Variants in WDR64 observed in about 807,000 individuals in gnomAD.
WDR64 encodes WD repeat domain 64, also known as WD repeat-containing protein 64.
WDR64 carries 112 observed loss-of-function variants against 139.3 expected under a neutral mutation model. That is an observed-to-expected ratio of 0.80 (90% CI 0.69 to 0.94). WDR64 has a LOEUF of 0.94. Among genes scored for constraint, WDR64 ranks in the 40% least tolerant of loss-of-function variants. WDR64 has a pLI of 0.00. For synonymous variants in WDR64, 444 were observed against 437.7 expected, an observed-to-expected ratio of 1.01 and a Z score of -0.18; for missense variants, 1,206 against 1,293.1, an observed-to-expected ratio of 0.93 and a Z score of 1.03.
chr1:241,691,740 A>G (rs1395425488), intron 8 of WDR64, among the ~76,000 whole-genome samples: 3 of 152,220 alleles, frequency 2.0e-5, no homozygotes, highest in Admixed American at 1.3e-4. Context: ...TAGGCTGGGC[A>G]CAGTGGCTCA....
chr1:241,674,172 C>T (rs951914579), intron 3 of WDR64, among the ~76,000 whole-genome samples: 2 of 151,606 alleles, frequency 1.3e-5, no homozygotes, highest in African/African-American at 4.8e-5. Flanking sequence ...ACAATGGTTG[C>T]CGGGTTTTAG....
intron 15 of WDR64, among the ~76,000 whole-genome samples, chr1:241,764,594 G>A (rs1028968333): frequency 2.6e-5 from 4 of 152,264 alleles, no homozygotes; most frequent in Admixed American, 1.3e-4. Flanking sequence ...CCAGGAGTTC[G>A]AGGTTGTAGT....
At chr1:241,771,427 A>G (rs190543155) in intron 18 of WDR64, among the ~76,000 whole-genome samples, 2 of 152,186 alleles carry the variant, frequency 1.3e-5, no homozygotes, top group East Asian at 3.9e-4. Flanking sequence ...ATTTTTAATT[A>G]CTCTCGTTAT....
intron 10 of WDR64, among the ~76,000 whole-genome samples, chr1:241,726,814 C>T (rs1244444096): frequency 6.6e-6 from 1 of 151,828 alleles, no homozygotes; most frequent in Non-Finnish European, 1.5e-5. Flanking sequence ...TGTGGATATA[C>T]ATGGATGGAT....
At chr1:241,690,619 G>A (rs1667183136) in intron 8 of WDR64, among the ~76,000 whole-genome samples, 2 of 152,244 alleles carry the variant, frequency 1.3e-5, no homozygotes, top group Non-Finnish European at 2.9e-5. Flanking sequence ...AGACCTACCA[G>A]CCTAGAATTC....
At chr1:241,722,140 A>G (rs964746226) in intron 9 of WDR64, among the ~76,000 whole-genome samples, 11 of 152,204 alleles carry the variant, frequency 7.2e-5, no homozygotes, top group Non-Finnish European at 5.9e-5. Context: ...AAATTTACAG[A>G]CGAAGAAGAT....
intron 25 of WDR64, among the ~76,000 whole-genome samples, chr1:241,792,580 G>A (rs182694805): frequency 6.6e-6 from 1 of 151,834 alleles, no homozygotes; most frequent in Non-Finnish European, 1.5e-5. Flanking sequence ...ATTAACAAAG[G>A]TCAGTATACA....
chr1:241,660,571 C>T lies in WDR64; in HGVS notation c.187C>T (p.Leu63Phe), dbSNP rs1404054576. Residue 63 changes from leucine (L) to phenylalanine (F), a missense_variant, in exon 2 of 28, where the codon CTC becomes TTC. Coordinates refer to ENST00000437684, the MANE Select transcript of WDR64 (RefSeq NM_001367482.1). ...YDKFYASVQK[L>F]FGPDVKNQDV... ...CAAGTTTTATGCATCGGTACAGAAG[C>T]TCTTTGGTCCAGATGTGAAGAATCA... 3 of 1,551,682 alleles carry T rather than the reference C, an allele frequency of 1.9e-6. No individual in the cohort carries two copies. The highest frequency in any genetic ancestry group is 2.6e-6 in the Non-Finnish European group (3 of 1,146,894).
In WDR64 at chr1:241,770,658, T is replaced by C. The variant is rs947772410; in HGVS notation, c.2221T>C (p.Cys741Arg). The change falls in exon 18 of 28, where the codon TGT becomes CGT. Residue 741 changes from cysteine (C) to arginine (R), a missense_variant. Physicochemically the swap from Cys to Arg is radical, Grantham distance 180 (BLOSUM62 -3). Coordinates refer to ENST00000437684, the MANE Select transcript of WDR64 (RefSeq NM_001367482.1). Reference protein sequence around the residue: ...SQDSICSSSQCESSKGPQSSK... With the variant: ...SQDSICSSSQRESSKGPQSSK... ...GGATTCCATATGTTCTTCATCCCAG[T>C]GTGAATCCAGCAAAGGTCCACAGAG... 6.4e-7 allele frequency: 1 copy of C among 1,551,398 alleles called. No individual in the cohort carries two copies. The highest frequency in any genetic ancestry group is 8.7e-7 in the Non-Finnish European group (1 of 1,146,862).
chr1:241,673,478 G>A (rs1460563347), intron 3 of WDR64, among the ~76,000 whole-genome samples: 1 of 151,798 alleles, frequency 6.6e-6, no homozygotes, highest in East Asian at 1.9e-4. Context: ...GTTCCTAATT[G>A]CCTTCCCCTC....
At chr1:241,787,621 T>C (rs1404166836) in intron 23 of WDR64, among the ~76,000 whole-genome samples, 3 of 146,800 alleles carry the variant, frequency 2.0e-5, no homozygotes, top group South Asian at 2.1e-4. Context: ...GTCGAGATCA[T>C]GCCATTGCAC....
At chr1:241,737,569 C>T (rs766311312) in intron 10 of WDR64, among the ~76,000 whole-genome samples, 1 of 152,042 alleles carries the variant, frequency 6.6e-6, no homozygotes, top group Non-Finnish European at 1.5e-5. Flanking sequence ...TGTAATTTCC[C>T]CCCAGCTTCT....
At chr1:241,797,197 C>T (rs1011071353) in intron 27 of WDR64, among the ~76,000 whole-genome samples, 2 of 152,104 alleles carry the variant, frequency 1.3e-5, no homozygotes, top group Non-Finnish European at 2.9e-5. Context: ...TCTCTTAGAG[C>T]TGGGGAAAAA....
rs1658433527 is a variant in WDR64, at chr1:241,771,604, T to C, written c.2254-57T>C. The C allele has an allele frequency of 5.4e-6, 7 of 1,298,680 alleles. No homozygotes were observed. The South Asian group carries it at 1.0e-4, about 19-fold the overall frequency. 80.4% of individuals were successfully genotyped at this position (1,298,680 alleles called of 1,614,324 possible). On this transcript the variant is annotated intron_variant, in intron 18 of 27. Coordinates refer to ENST00000437684, the MANE Select transcript of WDR64 (RefSeq NM_001367482.1). ...ATCTGGAGAATTTAATCACCCAGTA[T>C]ATCTCATTTTCTTACAATGTCATGG...
At chr1:241,707,908 G>A (rs1668014818) in intron 8 of WDR64, among the ~76,000 whole-genome samples, 1 of 152,212 alleles carries the variant, frequency 6.6e-6, no homozygotes, top group Non-Finnish European at 1.5e-5. Context: ...ACAGAACACA[G>A]CCAGAATCTA....
chr1:241,668,961 T>G (rs1396816003), intron 2 of WDR64, among the ~76,000 whole-genome samples: 2 of 152,016 alleles, frequency 1.3e-5, no homozygotes, highest in Non-Finnish European at 1.5e-5. Flanking sequence ...TGGTCTGGAT[T>G]AACATATCAT....
intron 14 of WDR64, among the ~76,000 whole-genome samples, chr1:241,752,659 G>A (rs980795166): frequency 1.1e-4 from 16 of 152,124 alleles, no homozygotes; most frequent in African/African-American, 1.7e-4. Context: ...AGACCAGCCT[G>A]GGCAACATAG....
rs571549805 is a variant in WDR64 at position 241,691,209 on chromosome 1, T to A, written c.974+3614T>A. On this transcript the variant is annotated intron_variant, in intron 8 of 27. Transcript: ENST00000437684. Reference sequence around the variant, plus strand: ...AAATGAAATCATGTAAAGTGTTTATTTTAAAACACAAAAGGCAGAAAAAGA... The same window carrying A: ...AAATGAAATCATGTAAAGTGTTTATATTAAAACACAAAAGGCAGAAAAAGA... 2.0e-5 allele frequency among the ~76,000 whole-genome samples: 3 copies of A among 152,078 alleles called. No individual in the cohort carries two copies. The South Asian group carries it at 6.2e-4, about 32-fold the overall frequency.
rs756873305 is a variant in WDR64 at position 241,790,688 on chromosome 1, T to A, written c.2989T>A (p.Ser997Thr). 2.0e-5 allele frequency: 31 copies of A among 1,569,472 alleles called. No homozygotes were observed. The highest frequency in any genetic ancestry group is 2.5e-5 in the Non-Finnish European group (29 of 1,167,730). ...QDFKFFKSLSSPKIRRYPLEG... is the reference protein window; with the variant it reads ...QDFKFFKSLSTPKIRRYPLEG... ...TTTCAAGTTTTTCAAGTCTCTTTCT[T>A]CTCCTAAGGTAGCTTAAAAAAAAAA... Residue 997 changes from serine to threonine, a missense_variant, in exon 25 of 28, where the codon TCT becomes ACT. By Grantham distance (58) the Ser-to-Thr change is moderately conservative (BLOSUM62 1). Coordinates refer to ENST00000437684, the MANE Select transcript of WDR64 (RefSeq NM_001367482.1).
Sources: gnomAD v4.1 joint callset for allele counts (sites outside exome capture counted in the v4.1 genomes callset) on GRCh38, gnomAD v4.1.1 for gene constraint, MANE v1.5 for transcripts, NCBI Gene and HGNC (gene_info 2026-07-23, HGNC 2026-07-21) for gene names.